PKIA: variants seen among roughly 807,000 people sequenced by gnomAD.
The protein encoded by PKIA is PKI-alpha.
PKIA carries 4 observed loss-of-function variants against 7.6 expected under a neutral mutation model. The observed-to-expected ratio is 0.52, with a 90% CI of 0.26 to 1.20. The LOEUF is 1.20. Among genes scored for constraint, PKIA ranks in the 50% most tolerant of loss-of-function variants. The pLI is 0.13. For synonymous variants in PKIA, 21 were observed against 30.7 expected (o/e 0.68, Z 1.04); for missense variants, 73 against 86.2 (o/e 0.85, Z 0.61).
chr8:78,524,202 T>TTA (rs537854318), intron 1 of PKIA, among the ~76,000 whole-genome samples: 5 of 121,158 alleles, frequency 4.1e-5, no homozygotes, highest in African/African-American at 7.6e-5. Flanking sequence ...ACATTTATAT[T>TTA]TATATATATA....
chr8:78,549,666 G>A (rs942467909), intron 1 of PKIA, among the ~76,000 whole-genome samples: 6 of 150,806 alleles, frequency 4.0e-5, no homozygotes, highest in African/African-American at 1.5e-4. Flanking sequence ...TAAATGATGG[G>A]CATGATTAAC....
chr8:78,579,616 C>T (rs2130195547), intron 2 of PKIA, among the ~76,000 whole-genome samples: 1 of 152,128 alleles, frequency 6.6e-6, no homozygotes, highest in East Asian at 1.9e-4. Flanking sequence ...AAGATAGATA[C>T]ATTTTACTTT....
At chr8:78,550,494 G>T (rs371404712) in intron 1 of PKIA, among the ~76,000 whole-genome samples, 4 of 151,936 alleles carry the variant, frequency 2.6e-5, no homozygotes, top group African/African-American at 7.3e-5. Context: ...GAAACCTGCC[G>T]GCAGTTCATC....
intron 2 of PKIA, among the ~76,000 whole-genome samples, chr8:78,576,476 T>C (rs942941446): frequency 1.4e-4 from 21 of 152,012 alleles, no homozygotes; most frequent in African/African-American, 4.8e-4. Context: ...TTTTTAAATG[T>C]TGTAGATCAA....
At chr8:78,552,633 T>A (rs1308018366) in intron 1 of PKIA, among the ~76,000 whole-genome samples, 2 of 151,984 alleles carry the variant, frequency 1.3e-5, no homozygotes, top group African/African-American at 4.8e-5. Context: ...ATGGGAACAA[T>A]GGTGAAACAT....
At chr8:78,548,647 C>T (rs942910262) in intron 1 of PKIA, among the ~76,000 whole-genome samples, 3 of 151,972 alleles carry the variant, frequency 2.0e-5, no homozygotes, top group Non-Finnish European at 2.9e-5. Context: ...AACACTGAAT[C>T]GTATAGAGAT....
At chr8:78,575,730 C>T (rs1008650812) in intron 2 of PKIA, among the ~76,000 whole-genome samples, 3 of 152,080 alleles carry the variant, frequency 2.0e-5, no homozygotes, top group Non-Finnish European at 4.4e-5. Flanking sequence ...AACTTTGAAA[C>T]TCAAAGTAAC....
chr8:78,535,036 A>G (rs1806486884), intron 1 of PKIA: 2 of 152,164 alleles, frequency 1.3e-5, no homozygotes, highest in African/African-American at 4.8e-5. Flanking sequence ...CCATGAGTTG[A>G]AAAAATTAGT....
chr8:78,538,163 C>T (rs1806584267), intron 1 of PKIA, among the ~76,000 whole-genome samples: 1 of 151,948 alleles, frequency 6.6e-6, no homozygotes. Context: ...ACTATTCTCT[C>T]TGATGGAAAC....
intron 1 of PKIA, among the ~76,000 whole-genome samples, chr8:78,553,721 A>G (rs558625935): frequency 2.9e-4 from 37 of 129,502 alleles, no homozygotes; most frequent in African/African-American, 9.6e-4. Flanking sequence ...AAGCCACTCT[A>G]TTTTAAAACA....
At chr8:78,557,555 A>G (rs1186606661) in intron 1 of PKIA, among the ~76,000 whole-genome samples, 1 of 152,232 alleles carries the variant, frequency 6.6e-6, no homozygotes, top group Non-Finnish European at 1.5e-5. Context: ...AACATGGGAA[A>G]AAAAGGAAAA....
rs920707403 is a variant in PKIA, at chr8:78,602,185, G to A, written c.*364G>A. 5 of 209,660 alleles carry A rather than the reference G, an allele frequency of 2.4e-5. No individual in the cohort carries two copies. The highest frequency in any genetic ancestry group is 1.4e-4 in the East Asian group (1 of 7,366). 13.0% of individuals were successfully genotyped at this position (209,660 alleles called of 1,614,324 possible). A position where few individuals can be genotyped will look rare whatever the true frequency, so the allele number is the denominator to read the frequency against. On this transcript the variant is annotated 3_prime_UTR_variant, in exon 4 of 4. Transcript: ENST00000396418. ...AGAGGATTTAATTGTGTCTAATTGC[G>A]AAGGGTTGATTGAACCCCAGAGTTT...
chr8:78,521,271 G>A (rs1487571861), intron 1 of PKIA, among the ~76,000 whole-genome samples: 1 of 151,992 alleles, frequency 6.6e-6, no homozygotes, highest in African/African-American at 2.4e-5. Flanking sequence ...ATTTCTTTAT[G>A]GTAATGCCAT....
chr8:78,575,753 C>T (rs1383020153), intron 2 of PKIA, among the ~76,000 whole-genome samples: 1 of 151,962 alleles, frequency 6.6e-6, no homozygotes, highest in Non-Finnish European at 1.5e-5. Context: ...AGTCAAGTTG[C>T]AGTCCTATGA....
intron 1 of PKIA, among the ~76,000 whole-genome samples, chr8:78,533,349 G>A (rs1035414256): frequency 5.3e-5 from 8 of 152,172 alleles, no homozygotes; most frequent in Admixed American, 1.3e-4. Context: ...TCACATGTTC[G>A]TTTGCAGTTT....
chr8:78,517,225 ATACTGT>A (rs1809333218), intron 1 of PKIA, among the ~76,000 whole-genome samples: 1 of 152,120 alleles, frequency 6.6e-6, no homozygotes, highest in Non-Finnish European at 1.5e-5. Context: ...TTCTCCCTGT[ATACTGT>A]TACCTGTGTC....
At position 78,528,476 on chromosome 8, in the gene PKIA, T is replaced by C. The variant is rs564077489; in HGVS notation, c.-157+12008T>C. On this transcript the variant is annotated intron_variant, in intron 1 of 3. Transcript: ENST00000396418. Reference sequence around the variant, plus strand: ...TGTCAATTAGAAGATATAAGCACAATAGAAGTGATGTTTCTAAAATTAACT... The same window carrying C: ...TGTCAATTAGAAGATATAAGCACAACAGAAGTGATGTTTCTAAAATTAACT... Among the ~76,000 whole-genome samples the C allele has an allele frequency of 4.7e-4, 72 of 152,098 alleles. 2 individuals are homozygous for C. In the South Asian group the frequency reaches 0.013, roughly 28 times the overall value.
At chr8:78,553,924 T>C (rs117902760) in intron 1 of PKIA, among the ~76,000 whole-genome samples, 5,525 of 151,908 alleles carry the variant, frequency 0.036, 153 homozygotes, top group South Asian at 0.07. Context: ...AAATGTTAAG[T>C]TTAAACAGGC....
intron 1 of PKIA, chr8:78,558,582 G>A (rs1426878535): frequency 1.3e-5 from 2 of 152,050 alleles, no homozygotes; most frequent in Admixed American, 1.3e-4. Flanking sequence ...AGAACAGCAC[G>A]GCAAGACCAC....
Sources: allele counts gnomAD v4.1 joint callset (sites outside exome capture counted in the v4.1 genomes callset), GRCh38; gene constraint gnomAD v4.1.1; transcripts MANE v1.5; gene names NCBI Gene and HGNC (gene_info 2026-07-23, HGNC 2026-07-21).